Variants in ST8SIA1 observed in about 807,000 individuals in gnomAD.
ST8SIA1 encodes alpha-N-acetylneuraminide alpha-2,8-sialyltransferase.
A neutral mutation model predicts 35.9 loss-of-function variants in ST8SIA1; 16 were observed. The ratio of observed to expected loss-of-function variants is 0.45; its 90% confidence interval spans 0.30 to 0.68. ST8SIA1 has a LOEUF of 0.68. Among genes scored for constraint, ST8SIA1 ranks in the 30% least tolerant of loss-of-function variants. The pLI is 0.09. For synonymous variants in ST8SIA1, 170 were observed against 169.6 expected, an observed-to-expected ratio of 1.00 and a Z score of -0.02; for missense variants, 383 against 453.6, an observed-to-expected ratio of 0.84 and a Z score of 1.41.
chr12:22,305,589 C>T (rs1866374762), intron 1 of ST8SIA1, among the ~76,000 whole-genome samples: 1 of 152,132 alleles, frequency 6.6e-6, no homozygotes, highest in African/African-American at 2.4e-5. Flanking sequence ...CCATGTTGGT[C>T]AGGCTGTCCT....
intron 1 of ST8SIA1, among the ~76,000 whole-genome samples, chr12:22,302,897 A>C (rs1197527473): frequency 6.6e-6 from 1 of 151,804 alleles, no homozygotes; most frequent in East Asian, 2.0e-4. Flanking sequence ...TCCCTGCTTG[A>C]GCTGTCCCAC....
intron 2 of ST8SIA1, among the ~76,000 whole-genome samples, chr12:22,276,872 G>A (rs1299107373): frequency 1.3e-5 from 2 of 151,422 alleles, no homozygotes; most frequent in Admixed American, 6.6e-5. Flanking sequence ...AAAGGCCACC[G>A]TTTCTGGCCA....
intron 2 of ST8SIA1, among the ~76,000 whole-genome samples, chr12:22,257,396 T>C (rs896408807): frequency 3.0e-4 from 43 of 144,060 alleles, no homozygotes; most frequent in African/African-American, 1.1e-3. Flanking sequence ...TTTTTTTTTT[T>C]TTTTTTTAGT....
intron 4 of ST8SIA1, among the ~76,000 whole-genome samples, chr12:22,237,997 A>G (rs1189710917): frequency 6.6e-6 from 1 of 152,066 alleles, no homozygotes; most frequent in East Asian, 1.9e-4. Context: ...TTGATGCTGT[A>G]ATGGAATAGA....
At chr12:22,202,153 T>A (rs1484662870) in intron 4 of ST8SIA1, 115 bp from the exon 5 acceptor site, 2 of 844,232 alleles carry the variant, frequency 2.4e-6, no homozygotes, top group Non-Finnish European at 3.6e-6. Context: ...ATGAAACACA[T>A]GAAAAACACT....
At chr12:22,237,207 T>C (rs532697122) in intron 4 of ST8SIA1, among the ~76,000 whole-genome samples, 56 of 152,246 alleles carry the variant, frequency 3.7e-4, no homozygotes, top group Non-Finnish European at 5.1e-4. Flanking sequence ...CAAGTAATCC[T>C]CCTGTGTCAG....
At chr12:22,231,210 C>T (rs1423521445) in intron 4 of ST8SIA1, among the ~76,000 whole-genome samples, 1 of 149,926 alleles carries the variant, frequency 6.7e-6, no homozygotes, top group Non-Finnish European at 1.5e-5. Flanking sequence ...TAATGAATTT[C>T]CAAATGAATT....
At chr12:22,218,517 C>T (rs988311131) in intron 4 of ST8SIA1, among the ~76,000 whole-genome samples, 6 of 151,300 alleles carry the variant, frequency 4.0e-5, no homozygotes, top group African/African-American at 1.5e-4. Flanking sequence ...ACTCGCGAAG[C>T]TGAGACACAA....
At chr12:22,273,064 G>A (rs1865930263) in intron 2 of ST8SIA1, among the ~76,000 whole-genome samples, 1 of 152,080 alleles carries the variant, frequency 6.6e-6, no homozygotes, top group Non-Finnish European at 1.5e-5. Context: ...CTTCAGTCTG[G>A]GACAGTTATT....
chr12:22,277,352 T>C (rs1299687996), intron 2 of ST8SIA1, among the ~76,000 whole-genome samples: 1 of 151,090 alleles, frequency 6.6e-6, no homozygotes, highest in East Asian at 1.9e-4. Flanking sequence ...GAAAGGCAAA[T>C]TCATAATAGT....
At chr12:22,304,701 A>T (rs68076910) in intron 1 of ST8SIA1, among the ~76,000 whole-genome samples, 4 of 152,198 alleles carry the variant, frequency 2.6e-5, no homozygotes, top group African/African-American at 9.6e-5. Context: ...GTTTAAAAAA[A>T]CCTTTTTTAA....
At chr12:22,242,536 G>T (rs893915346) in intron 4 of ST8SIA1, among the ~76,000 whole-genome samples, 2 of 152,080 alleles carry the variant, frequency 1.3e-5, no homozygotes, top group African/African-American at 4.8e-5. Context: ...CAAAAATTAG[G>T]TTAATTAAAA....
chr12:22,278,562 T>C (rs188610471), intron 2 of ST8SIA1, among the ~76,000 whole-genome samples: 176 of 152,304 alleles, frequency 1.2e-3, no homozygotes, highest in African/African-American at 4.1e-3. Context: ...TCAGAGTGGA[T>C]TGAACTCTAG....
intron 2 of ST8SIA1, among the ~76,000 whole-genome samples, chr12:22,266,993 C>G (rs1865857074): frequency 1.3e-5 from 2 of 152,042 alleles, no homozygotes; most frequent in African/African-American, 4.8e-5. Context: ...GTGTAGAAAA[C>G]CATGAATAAA....
At chr12:22,272,186 T>A (rs1021077487) in intron 2 of ST8SIA1, among the ~76,000 whole-genome samples, 2 of 152,238 alleles carry the variant, frequency 1.3e-5, no homozygotes, top group Non-Finnish European at 2.9e-5. Context: ...TATAATTTAC[T>A]TTATAATTTT....
intron 2 of ST8SIA1, among the ~76,000 whole-genome samples, chr12:22,273,433 C>T (rs1022703905): frequency 2.0e-5 from 3 of 152,192 alleles, no homozygotes; most frequent in Non-Finnish European, 4.4e-5. Context: ...ATATTGAGAA[C>T]TTTACTGCCT....
At chr12:22,262,098 A>G (rs1865799479) in intron 2 of ST8SIA1, among the ~76,000 whole-genome samples, 1 of 151,592 alleles carries the variant, frequency 6.6e-6, no homozygotes, top group South Asian at 2.1e-4. Flanking sequence ...CTGGTCTATT[A>G]GATAATATTA....
In ST8SIA1 at chr12:22,270,717, T is replaced by A. The variant is rs576193158; in HGVS notation, c.382-15328A>T. Among the ~76,000 whole-genome samples, 700 of 152,326 alleles carry A rather than the reference T, an allele frequency of 4.6e-3. 4 individuals are homozygous for A. Among genetic ancestry groups the A allele is most frequent in the Middle Eastern group, 0.031 (9 of 292 alleles). The stretch of plus-strand genomic sequence containing the variant: ...ATTTAATGAGGACGCTGTATGTGAT[T>A]CTGGTGATGGATACACTAAAAGCCC... On this transcript the variant is annotated intron_variant, in intron 2 of 4. Coordinates refer to ENST00000396037, the MANE Select transcript of ST8SIA1 (RefSeq NM_003034.4).
At position 22,244,515 on chromosome 12, in the gene ST8SIA1, G is replaced by A. The variant is rs73270009; in HGVS notation, c.584+4491C>T. Among the ~76,000 whole-genome samples the A allele has an allele frequency of 2.3e-3, 343 of 152,160 alleles. 1 individual carries two copies. Among genetic ancestry groups the A allele is most frequent in the African/African-American group, 7.3e-3 (303 of 41,496 alleles). ...CTCACTCGACAGACTTCGGTTCAGT[G>A]GCACAAACATGGCTCACTGCAGCCT... On this transcript the variant is annotated intron_variant, in intron 4 of 4. Transcript: ENST00000396037.
Sources: gnomAD v4.1 joint callset for allele counts (sites outside exome capture counted in the v4.1 genomes callset) on GRCh38, gnomAD v4.1.1 for gene constraint, MANE v1.5 for transcripts, NCBI Gene and HGNC (gene_info 2026-07-23, HGNC 2026-07-21) for gene names.